The following RNLS variants were observed in gnomAD, a reference collection of about 807,000 sequenced individuals.
RNLS encodes the protein renalase.
RNLS carries 39 observed loss-of-function variants against 39.8 expected under a neutral mutation model. The ratio of observed to expected loss-of-function variants is 0.98; its 90% CI spans 0.76 to 1.28. RNLS has a LOEUF of 1.28. Among genes scored for constraint, RNLS ranks in the 50% most tolerant of loss-of-function variants. RNLS has a pLI of 0.00. For missense variants in RNLS, 410 were observed against 413.3 expected (o/e 0.99, Z 0.07); for synonymous variants, 147 against 150.7 (o/e 0.98, Z 0.18).
intron 4 of RNLS, among the ~76,000 whole-genome samples, chr10:88,396,493 T>C (rs1283207064): frequency 1.3e-5 from 2 of 151,088 alleles, no homozygotes; most frequent in South Asian, 2.1e-4. Flanking sequence ...ATTAATAATA[T>C]AATAAATGAC....
At chr10:88,533,234 A>G (rs1481998083) in intron 4 of RNLS, among the ~76,000 whole-genome samples, 1 of 152,154 alleles carries the variant, frequency 6.6e-6, no homozygotes, top group Non-Finnish European at 1.5e-5. Flanking sequence ...TGTTGGCCAC[A>G]GCTTGGCCTT....
At chr10:88,560,761 G>T (rs1302439268) in intron 4 of RNLS, among the ~76,000 whole-genome samples, 1 of 151,880 alleles carries the variant, frequency 6.6e-6, no homozygotes, top group Non-Finnish European at 1.5e-5. Flanking sequence ...CAACAGAAAG[G>T]TTCATAGGAG....
At chr10:88,381,400 G>GT (rs1248918474) in intron 4 of RNLS, among the ~76,000 whole-genome samples, 8 of 133,632 alleles carry the variant, frequency 6.0e-5, no homozygotes, top group African/African-American at 2.5e-4. Flanking sequence ...CTTGTGGATA[G>GT]TTTTTTAAAA....
intron 4 of RNLS, among the ~76,000 whole-genome samples, chr10:88,415,881 T>G (rs1853991105): frequency 6.6e-6 from 1 of 152,022 alleles, no homozygotes; most frequent in South Asian, 2.1e-4. Flanking sequence ...GATATTAAGG[T>G]TTTCTAGCAG....
At chr10:88,507,957 A>G (rs1845887834) in intron 4 of RNLS, among the ~76,000 whole-genome samples, 1 of 152,182 alleles carries the variant, frequency 6.6e-6, no homozygotes, top group Non-Finnish European at 1.5e-5. Context: ...TAAACAGTCA[A>G]TAGTGAGAGG....
chr10:88,187,581 C>T, the RNLS span, among the ~76,000 whole-genome samples: 1 of 152,126 alleles, frequency 6.6e-6, no homozygotes, highest in African/African-American at 2.4e-5. Context: ...AGTACGTGCA[C>T]CAAGATTCAC....
intron 4 of RNLS, among the ~76,000 whole-genome samples, chr10:88,533,708 TGACA>T (rs950736505): frequency 1.5e-4 from 23 of 152,184 alleles, no homozygotes; most frequent in African/African-American, 5.1e-4. Context: ...CAGGGGATTC[TGACA>T]GACAGAATGA....
chr10:88,298,746 T>C (rs375186578), intron 6 of RNLS, among the ~76,000 whole-genome samples: 3 of 152,214 alleles, frequency 2.0e-5, no homozygotes, highest in Admixed American at 1.3e-4. Flanking sequence ...GCAGTAAGAT[T>C]TGAAAAGAGA....
intron 4 of RNLS, among the ~76,000 whole-genome samples, chr10:88,461,217 A>G (rs1388571986): frequency 1.3e-5 from 2 of 152,090 alleles, no homozygotes; most frequent in African/African-American, 4.8e-5. Flanking sequence ...AAGGCTCAGC[A>G]TCTATCCAGG....
At chr10:88,244,901 G>A in the RNLS span, among the ~76,000 whole-genome samples, 1 of 152,072 alleles carries the variant, frequency 6.6e-6, no homozygotes, top group African/African-American at 2.4e-5. Context: ...GCTAATGCTG[G>A]GTAGCAAGGA....
At chr10:88,319,166 G>T in intron 5 of RNLS, among the ~76,000 whole-genome samples, 1 of 152,092 alleles carries the variant, frequency 6.6e-6, no homozygotes, top group South Asian at 2.1e-4. Flanking sequence ...TACCCACAAT[G>T]AAGGACCCAT....
chr10:88,528,723 C>T (rs2134231069), intron 4 of RNLS, among the ~76,000 whole-genome samples: 1 of 152,050 alleles, frequency 6.6e-6, no homozygotes, highest in East Asian at 1.9e-4. Flanking sequence ...CATGGTGGCA[C>T]ATGCCTGTAA....
At chr10:88,225,365 A>G in the RNLS span, among the ~76,000 whole-genome samples, 3 of 152,348 alleles carry the variant, frequency 2.0e-5, no homozygotes, top group East Asian at 5.8e-4. Flanking sequence ...TAAAGTTTCA[A>G]TAACACCCTT....
Position 88,582,272 on chromosome 10 carries a change from G to A in RNLS, c.154C>T (p.Pro52Ser), listed in dbSNP as rs750833291. The A allele has an allele frequency of 1.2e-6, 2 of 1,614,048 alleles. No individual in the cohort carries two copies. Among genetic ancestry groups the A allele is most frequent in the Non-Finnish European group, 1.7e-6 (2 of 1,179,968 alleles). ...RMTTACSPHNPQCTADLGAQY... is the reference protein window; with the variant it reads ...RMTTACSPHNSQCTADLGAQY... The stretch of plus-strand genomic sequence containing the variant: ...GCACCCAAGTCAGCTGTGCACTGAG[G>A]ATTATGAGGACTGCAGGCTGTAGTC... Residue 52 changes from proline (P) to serine (S), a missense_variant, in exon 2 of 7, where the codon CCT becomes TCT. Physicochemically the swap from Pro to Ser is moderately conservative, Grantham distance 74. Transcript: ENST00000331772.
chr10:88,421,679 T>C (rs961081540), intron 4 of RNLS, among the ~76,000 whole-genome samples: 1 of 152,158 alleles, frequency 6.6e-6, no homozygotes, highest in Non-Finnish European at 1.5e-5. Flanking sequence ...GTATGATCAG[T>C]GAAAAACCTC....
intron 4 of RNLS, among the ~76,000 whole-genome samples, chr10:88,480,371 T>C (rs1342196037): frequency 6.6e-6 from 1 of 152,264 alleles, no homozygotes; most frequent in Admixed American, 6.5e-5. Context: ...TATAAGATCA[T>C]AAGTCAAGTT....
At chr10:88,494,525 A>T (rs1181010252) in intron 4 of RNLS, among the ~76,000 whole-genome samples, 1 of 152,166 alleles carries the variant, frequency 6.6e-6, no homozygotes, top group African/African-American at 2.4e-5. Flanking sequence ...TTACTTTTAG[A>T]AAATATTCAT....
At chr10:88,548,456 A>G (rs2134322541) in intron 4 of RNLS, among the ~76,000 whole-genome samples, 1 of 148,682 alleles carries the variant, frequency 6.7e-6, no homozygotes, top group South Asian at 2.1e-4. Flanking sequence ...CTGGCCAATA[A>G]AGCAAAACCC....
the RNLS span, among the ~76,000 whole-genome samples, chr10:88,266,378 G>A: frequency 6.6e-6 from 1 of 152,172 alleles, no homozygotes; most frequent in Non-Finnish European, 1.5e-5. Flanking sequence ...AAATGGTAAT[G>A]TCTGGGTCAC....
Sources: gnomAD v4.1 joint callset for allele counts (sites outside exome capture counted in the v4.1 genomes callset) on GRCh38, gnomAD v4.1.1 for gene constraint, MANE v1.5 for transcripts, NCBI Gene and HGNC (gene_info 2026-07-23, HGNC 2026-07-21) for gene names.